The following EMILIN2 variants were observed in gnomAD, a reference collection of about 807,000 sequenced individuals.
EMILIN2 encodes the protein EMILIN-2.
EMILIN2 carries 71 observed loss-of-function variants against 87.1 expected under a neutral mutation model. The observed-to-expected ratio is 0.82, with a 90% CI of 0.67 to 0.99. The LOEUF (loss-of-function observed/expected upper bound fraction) is 0.99. EMILIN2 is among the 50% of genes least tolerant of loss of function. EMILIN2 has a pLI of 0.00. For synonymous variants in EMILIN2, 581 were observed against 563.4 expected (o/e 1.03, Z -0.44); for missense variants, 1,407 against 1,371.8 (o/e 1.03, Z -0.40).
At chr18:2,867,990 C>T (rs554888880) in intron 2 of EMILIN2, among the ~76,000 whole-genome samples, 3 of 151,692 alleles carry the variant, frequency 2.0e-5, no homozygotes, top group Admixed American at 6.6e-5. Context: ...CTGACCCCCC[C>T]ACCTCCCTCC....
intron 4 of EMILIN2, among the ~76,000 whole-genome samples, chr18:2,899,536 G>A (rs570273250): frequency 6.6e-6 from 1 of 152,096 alleles, no homozygotes; most frequent in East Asian, 1.9e-4. Context: ...GCGGAGTCTT[G>A]CTCTGTCACC....
intron 3 of EMILIN2, among the ~76,000 whole-genome samples, chr18:2,887,337 C>T (rs1437389868): frequency 6.6e-6 from 1 of 152,134 alleles, no homozygotes; most frequent in African/African-American, 2.4e-5. Context: ...TGCTTTTCCT[C>T]TGATATAGTT....
Position 2,847,737 on chromosome 18 carries a change from T to TC in EMILIN2, c.135-68dup. 6.5e-6 allele frequency: 10 copies of TC among 1,549,106 alleles called. No individual in the cohort carries two copies. The highest frequency in any genetic ancestry group is 8.7e-6 in the Non-Finnish European group (10 of 1,151,824). ...ACCCTCGCTCGGTCTGGTGCCGCAG[T>TC]CCCCTCTCCCCTGGCCTCATTGTTC... On this transcript the variant is annotated intron_variant, in intron 1 of 7. Coordinates refer to ENST00000254528, the MANE Select transcript of EMILIN2 (RefSeq NM_032048.3). This position sits in a 1 kb window ranked among gnomAD's most constrained non-coding sequence, Gnocchi z 4.5.
At chr18:2,858,587 A>ATG in intron 2 of EMILIN2, among the ~76,000 whole-genome samples, 1 of 101,060 alleles carries the variant, frequency 9.9e-6, no homozygotes, top group East Asian at 3.3e-4. Flanking sequence ...GTGTGTGTAT[A>ATG]TATATATATA....
Position 2,915,443 on chromosome 18 carries a change from G to A in EMILIN2, c.*2039G>A, listed in dbSNP as rs999883879. 6.6e-6 allele frequency: 1 copy of A among 152,126 alleles called. No individual in the cohort carries two copies. Among genetic ancestry groups the A allele is most frequent in the Non-Finnish European group, 1.5e-5 (1 of 68,066 alleles). 9.4% of individuals were successfully genotyped at this position (152,126 alleles called of 1,614,324 possible). The stretch of plus-strand genomic sequence containing the variant: ...GGGGTTCGAAGCAGCCCTTCAAGAA[G>A]TCATCACCCCTGAAGTAGTGCCTGC... On this transcript the variant is annotated 3_prime_UTR_variant, in exon 8 of 8. Coordinates refer to ENST00000254528, the MANE Select transcript of EMILIN2 (RefSeq NM_032048.3).
chr18:2,849,339 A>G (rs1245341018), intron 2 of EMILIN2, among the ~76,000 whole-genome samples: 1 of 152,262 alleles, frequency 6.6e-6, no homozygotes, highest in South Asian at 2.1e-4. Flanking sequence ...CAAGAACTGC[A>G]TGGTGTGGCT....
rs189357262 is a variant in EMILIN2, at chr18:2,914,933, G to C, written c.*1529G>C. 1.4e-3 allele frequency: 213 copies of C among 152,382 alleles called. No homozygotes were observed. Among genetic ancestry groups the C allele is most frequent in the Non-Finnish European group, 2.6e-3 (174 of 68,052 alleles). The allele number at this position is 152,382 out of a possible 1,614,324, so 9.4% of individuals were successfully genotyped here. A position where few individuals can be genotyped will look rare whatever the true frequency, so the allele number is the denominator to read the frequency against. Reference sequence around the variant, plus strand: ...GCTGGGGAACTGGCTAAAGAGAGCTGTCAGAGAGTATCCTTGGCTGTCCTA... The same window carrying C: ...GCTGGGGAACTGGCTAAAGAGAGCTCTCAGAGAGTATCCTTGGCTGTCCTA... On this transcript the variant is annotated 3_prime_UTR_variant, in exon 8 of 8. Coordinates refer to ENST00000254528, the MANE Select transcript of EMILIN2 (RefSeq NM_032048.3).
Position 2,891,866 on chromosome 18 carries a change from T to G in EMILIN2, c.1739T>G (p.Leu580Arg). 6.2e-7 allele frequency: 1 copy of G among 1,614,270 alleles called. No homozygotes were observed. The highest frequency in any genetic ancestry group is 8.5e-7 in the Non-Finnish European group (1 of 1,180,054). Residue 580 changes from leucine to arginine, a missense_variant, in exon 4 of 8, where the codon CTG (leucine) becomes CGG (arginine). Leu to Arg is a moderately radical substitution (Grantham distance 102, BLOSUM62 -2). Transcript: ENST00000254528. The surrounding 1 kb of genome is among the most constrained non-coding windows in gnomAD (Gnocchi z 4.6). ...NREDRAVRDS[L>R]HLLKSLNDTM... is the part of the protein sequence containing the mutation. ...GAAGACCGCGCAGTACGCGACAGCC[T>G]GCACCTTTTGAAATCTCTCAACGAC... is the stretch of plus-strand genomic sequence containing the variant.
In EMILIN2 at chr18:2,914,428, T is replaced by C. The variant is rs1266374961; in HGVS notation, c.*1024T>C. ...ACACAGCTCGCCGAGCTCTTGGGTT[T>C]CTAAGCAGCAGGAAGCTCAACCTAA... On this transcript the variant is annotated 3_prime_UTR_variant, in exon 8 of 8. Coordinates refer to ENST00000254528, the MANE Select transcript of EMILIN2 (RefSeq NM_032048.3). 6.6e-6 allele frequency: 1 copy of C among 152,182 alleles called. No individual in the cohort carries two copies. Among genetic ancestry groups the C allele is most frequent in the Non-Finnish European group, 1.5e-5 (1 of 68,040 alleles). 9.4% of individuals were successfully genotyped at this position (152,182 alleles called of 1,614,324 possible).
intron 3 of EMILIN2, among the ~76,000 whole-genome samples, chr18:2,885,497 T>C (rs537080524): frequency 1.3e-5 from 2 of 152,254 alleles, no homozygotes; most frequent in South Asian, 2.1e-4. Flanking sequence ...TACATCTGAA[T>C]TTAGGGGGGT....
chr18:2,846,893 T>C (rs2076576677), upstream of EMILIN2: 11 of 987,506 alleles, frequency 1.1e-5, no homozygotes, highest in Non-Finnish European at 1.3e-5. The surrounding 1 kb of genome is among the most constrained non-coding windows in gnomAD (Gnocchi z 5.3). Context: ...CGGGGAGACT[T>C]GGTGGGGGGA....
Position 2,880,600 on chromosome 18 carries a change from G to A in EMILIN2, c.258-4364G>A, listed in dbSNP as rs926998670. On this transcript the variant is annotated intron_variant, in intron 2 of 7. Transcript: ENST00000254528. The surrounding 1 kb of genome is among the most constrained non-coding windows in gnomAD (Gnocchi z 4.1). ...GGGAGCCAGGGCTGCAGCCGAGTCCGCCCCTCCAGCGCTGCGCAGCCCCGC... is the reference window on the plus strand; with the variant it reads ...GGGAGCCAGGGCTGCAGCCGAGTCCACCCCTCCAGCGCTGCGCAGCCCCGC... Among the ~76,000 whole-genome samples the A allele has an allele frequency of 6.6e-5, 10 of 152,220 alleles. No individual in the cohort carries two copies. Among genetic ancestry groups the A allele is most frequent in the Non-Finnish European group, 1.0e-4 (7 of 68,040 alleles).
At position 2,891,828 on chromosome 18, in the gene EMILIN2, C is replaced by T; in HGVS notation, c.1701C>T (p.Ala567=). ...GAAAGCCTCATGGGATGGAAGGTGCCTTGCCAAACAGGGAAGACCGCGCAG... is the reference window on the plus strand; with the variant it reads ...GAAAGCCTCATGGGATGGAAGGTGCTTTGCCAAACAGGGAAGACCGCGCAG... The part of the protein sequence containing the change: ...IQGKPHGMEG[A]LPNREDRAVR... Residue 567 remains alanine, a synonymous_variant, in exon 4 of 8, where the codon GCC becomes GCT. Coordinates refer to ENST00000254528, the MANE Select transcript of EMILIN2 (RefSeq NM_032048.3). This position sits in a 1 kb window ranked among gnomAD's most constrained non-coding sequence, Gnocchi z 4.6. 6.2e-7 allele frequency: 1 copy of T among 1,614,256 alleles called. No individual in the cohort carries two copies. The highest frequency in any genetic ancestry group is 8.5e-7 in the Non-Finnish European group (1 of 1,180,044).
chr18:2,909,907 C>A lies in EMILIN2; in HGVS notation c.2824+88C>A, dbSNP rs891282587. ...CCCACCATGGCTGGCTGGTTCCCAG[C>A]GTCCCGTGGGCTCAGGGAGGACGCC... On this transcript the variant is annotated intron_variant, in intron 7 of 7. Coordinates refer to ENST00000254528, the MANE Select transcript of EMILIN2 (RefSeq NM_032048.3). 3.8e-6 allele frequency: 6 copies of A among 1,558,514 alleles called. No homozygotes were observed. In the African/African-American group the frequency reaches 8.3e-5, roughly 22 times the overall value.
At chr18:2,869,023 A>G (rs2076705956) in intron 2 of EMILIN2, among the ~76,000 whole-genome samples, 1 of 152,118 alleles carries the variant, frequency 6.6e-6, no homozygotes, top group African/African-American at 2.4e-5. Context: ...TAAAAGAACA[A>G]AAGTAAATAT....
At chr18:2,873,508 C>T (rs371917958) in intron 2 of EMILIN2, among the ~76,000 whole-genome samples, 2,447 of 151,416 alleles carry the variant, frequency 0.016, 67 homozygotes, top group African/African-American at 0.057. Context: ...GAGATCGAGA[C>T]CATCCTGGCT....
At position 2,891,519 on chromosome 18, in the gene EMILIN2, T is replaced by C. The variant is rs1368216681; in HGVS notation, c.1392T>C (p.Ala464=). 8 of 1,614,164 alleles carry C rather than the reference T, an allele frequency of 5.0e-6. No homozygotes were observed. The highest frequency in any genetic ancestry group is 6.8e-6 in the Non-Finnish European group (8 of 1,180,012). ...GGATCAATGTGACGGAGAAGAACGC[T>C]GAAGAACATTGCTTTTACATTGAGG... ...DARINVTEKN[A]EEHCFYIEET... is the part of the protein sequence containing the mutation. Residue 464 remains alanine (A), a synonymous_variant, in exon 4 of 8, where the codon GCT becomes GCC. Coordinates refer to ENST00000254528, the MANE Select transcript of EMILIN2 (RefSeq NM_032048.3). The surrounding 1 kb of genome is among the most constrained non-coding windows in gnomAD (Gnocchi z 4.6).
intron 4 of EMILIN2, among the ~76,000 whole-genome samples, chr18:2,899,934 T>G (rs953427305): frequency 6.6e-6 from 1 of 152,274 alleles, no homozygotes; most frequent in Non-Finnish European, 1.5e-5. Flanking sequence ...CCACAGATTT[T>G]AGCACACATG....
intron 2 of EMILIN2, among the ~76,000 whole-genome samples, chr18:2,877,436 GTTTTT>G (rs33950110): frequency 7.3e-6 from 1 of 136,488 alleles, no homozygotes; most frequent in Non-Finnish European, 1.6e-5. Flanking sequence ...TTGACTGACA[GTTTTT>G]TTTTTTTTTT....
Sources: allele counts gnomAD v4.1 joint callset (sites outside exome capture counted in the v4.1 genomes callset), GRCh38; gene constraint gnomAD v4.1.1; non-coding constraint Gnocchi (gnomAD v3.1); transcripts MANE v1.5; gene names NCBI Gene and HGNC (gene_info 2026-07-23, HGNC 2026-07-21).